Variants in JPH3 observed in about 807,000 individuals in gnomAD.
JPH3 encodes junctophilin-3.
In JPH3, 11 loss-of-function variants were observed where a neutral mutation model predicts 59.6. The ratio of observed to expected loss-of-function variants is 0.18; its 90% CI spans 0.12 to 0.31. The LOEUF is 0.31. JPH3 is among the 10% of genes least tolerant of loss of function. The probability of loss-of-function intolerance (pLI) is 1.00; values close to 1 mark genes in which losing one functional copy is unlikely to be tolerated. For missense variants in JPH3, 1,202 were observed against 1,105.7 expected (o/e 1.09, Z -1.24); for synonymous variants, 673 against 483.6 (o/e 1.39, Z -5.14).
chr16:87,668,594 G>C (rs1396297641), intron 2 of JPH3, among the ~76,000 whole-genome samples: 1 of 152,192 alleles, frequency 6.6e-6, no homozygotes, highest in Non-Finnish European at 1.5e-5. Context: ...AGGGTCCGGT[G>C]GGAATTAAAT....
intron 1 of JPH3, among the ~76,000 whole-genome samples, chr16:87,619,688 G>T (rs2031101624): frequency 6.6e-6 from 1 of 152,236 alleles, no homozygotes; most frequent in African/African-American, 2.4e-5. Context: ...GAGTCTGGGG[G>T]GATGTTGGGC....
rs1394081745 is a variant in JPH3, at chr16:87,620,737, C to A, written c.382+17209C>A. Reference sequence around the variant, plus strand: ...TGCTGCCCGGAGGAGGAGACTGAGGCCAGAGATGCGGCAAATTTCCCAAGG... The same window carrying A: ...TGCTGCCCGGAGGAGGAGACTGAGGACAGAGATGCGGCAAATTTCCCAAGG... On this transcript the variant is annotated intron_variant, in intron 1 of 4. Coordinates refer to ENST00000284262, the MANE Select transcript of JPH3 (RefSeq NM_020655.4). Among the ~76,000 whole-genome samples, 3 of 152,324 alleles carry A rather than the reference C, an allele frequency of 2.0e-5. No homozygotes were observed. In the East Asian group the frequency reaches 5.8e-4, roughly 29 times the overall value.
chr16:87,629,927 A>G (rs1362379564), intron 1 of JPH3, among the ~76,000 whole-genome samples: 1 of 152,152 alleles, frequency 6.6e-6, no homozygotes, highest in Non-Finnish European at 1.5e-5. Flanking sequence ...AGTATATGGG[A>G]ACTCTCTGTA....
At chr16:87,685,494 C>A (rs548215753) in intron 3 of JPH3, among the ~76,000 whole-genome samples, 3 of 152,270 alleles carry the variant, frequency 2.0e-5, no homozygotes, top group Admixed American at 1.3e-4. Flanking sequence ...CGCCCACGAC[C>A]AGCTGCCTGG....
At chr16:87,669,867 G>A (rs1158711713) in intron 2 of JPH3, among the ~76,000 whole-genome samples, 4 of 152,130 alleles carry the variant, frequency 2.6e-5, no homozygotes, top group Admixed American at 2.0e-4. Flanking sequence ...GACCGGAGGA[G>A]CAGAGAGGTT....
intron 2 of JPH3, among the ~76,000 whole-genome samples, chr16:87,651,916 TAC>T (rs1597263355): frequency 6.6e-6 from 1 of 152,260 alleles, no homozygotes; most frequent in East Asian, 1.9e-4. Flanking sequence ...CATCACATGC[TAC>T]AGAGAAATCT....
intron 2 of JPH3, among the ~76,000 whole-genome samples, chr16:87,683,630 A>ATC (rs1491092295): frequency 5.1e-5 from 7 of 136,456 alleles, no homozygotes; most frequent in Non-Finnish European, 4.7e-5. Flanking sequence ...TCCTTGAGAC[A>ATC]GAGTCTTGCT....
chr16:87,656,694 G>C (rs991924045), intron 2 of JPH3, among the ~76,000 whole-genome samples: 1 of 152,180 alleles, frequency 6.6e-6, no homozygotes, highest in African/African-American at 2.4e-5. Context: ...GGACGAGGAG[G>C]AACGGGGGCC....
intron 1 of JPH3, among the ~76,000 whole-genome samples, chr16:87,617,311 CGTTT>C (rs971146625): frequency 2.0e-5 from 3 of 152,102 alleles, no homozygotes; most frequent in African/African-American, 7.2e-5. Flanking sequence ...GTGGATGGGC[CGTTT>C]GTTTAACCAT....
In JPH3 at chr16:87,689,537, C is replaced by T. The variant is rs1454673829; in HGVS notation, c.1286-109C>T. 7.7e-6 allele frequency: 9 copies of T among 1,173,218 alleles called. No homozygotes were observed. In the East Asian group the frequency reaches 1.5e-4, roughly 20 times the overall value. The allele number at this position is 1,173,218 out of a possible 1,614,324, so 72.7% of individuals were successfully genotyped here. On this transcript the variant is annotated intron_variant, in intron 3 of 4. Transcript: ENST00000284262. ...CTGCAGCCTTTCGGTGAGTGGGAAG[C>T]GCCTCTGCTGCCCTGAGGTTCCCTC... is the stretch of plus-strand genomic sequence containing the variant.
At chr16:87,668,941 G>A (rs190137063) in intron 2 of JPH3, among the ~76,000 whole-genome samples, 39 of 152,192 alleles carry the variant, frequency 2.6e-4, no homozygotes, top group South Asian at 4.2e-4. Context: ...CCTCCACGTG[G>A]GCTCCAGGTA....
chr16:87,671,800 C>G (rs1377282928), intron 2 of JPH3, among the ~76,000 whole-genome samples: 9 of 152,216 alleles, frequency 5.9e-5, no homozygotes, highest in South Asian at 2.1e-4. Context: ...TGAGCCCACT[C>G]CAGGCACAGG....
chr16:87,602,267 C>T (rs1438880228), upstream of JPH3: 2 of 149,506 alleles, frequency 1.3e-5, no homozygotes, highest in African/African-American at 4.9e-5. Flanking sequence ...CGGCTGGACC[C>T]CGGTTTCCAG....
At chr16:87,646,778 T>A (rs541239255) in intron 2 of JPH3, among the ~76,000 whole-genome samples, 1 of 152,124 alleles carries the variant, frequency 6.6e-6, no homozygotes, top group African/African-American at 2.4e-5. Flanking sequence ...GACCTGCAGA[T>A]TGGTTCATGA....
At chr16:87,605,017 G>A in intron 1 of JPH3, 1 of 441,056 alleles carries the variant, frequency 2.3e-6, no homozygotes, top group Non-Finnish European at 4.6e-6. Context: ...GCACAGGGAG[G>A]CCCGGGCAGC....
intron 1 of JPH3, among the ~76,000 whole-genome samples, chr16:87,638,430 G>C (rs2031830113): frequency 6.6e-6 from 1 of 152,178 alleles, no homozygotes; most frequent in Non-Finnish European, 1.5e-5. Flanking sequence ...GAACGCCAGA[G>C]GCTACTGGGG....
intron 2 of JPH3, among the ~76,000 whole-genome samples, chr16:87,682,039 C>G (rs1457060262): frequency 6.6e-6 from 1 of 152,032 alleles, no homozygotes; most frequent in African/African-American, 2.4e-5. Context: ...GATGCACGGA[C>G]CACCCAAGGG....
chr16:87,688,061 G>A (rs759858331), intron 3 of JPH3, among the ~76,000 whole-genome samples: 6 of 152,094 alleles, frequency 3.9e-5, no homozygotes, highest in South Asian at 2.1e-4. Context: ...AGGTGGGTAC[G>A]TGGATGTCAG....
intron 2 of JPH3, among the ~76,000 whole-genome samples, chr16:87,648,537 G>A (rs1025287152): frequency 1.4e-4 from 21 of 152,308 alleles, no homozygotes; most frequent in African/African-American, 4.8e-4. Flanking sequence ...GCGGAGTGCC[G>A]GGCCCTTCCC....
Sources: gnomAD v4.1 joint callset for allele counts (sites outside exome capture counted in the v4.1 genomes callset) on GRCh38, gnomAD v4.1.1 for gene constraint, MANE v1.5 for transcripts, NCBI Gene and HGNC (gene_info 2026-07-23, HGNC 2026-07-21) for gene names.